PDE4D: variants seen among roughly 807,000 people sequenced by gnomAD.
PDE4D encodes phosphodiesterase 4D.
In PDE4D, 24 loss-of-function variants were observed where a neutral mutation model predicts 87.4. That is an observed-to-expected ratio of 0.27 (90% CI 0.20 to 0.39). The LOEUF (loss-of-function observed/expected upper bound fraction) is 0.39, where lower values mean the gene tolerates loss of function less well. Among genes scored for constraint, PDE4D ranks in the 10% least tolerant of loss-of-function variants. PDE4D has a pLI of 1.00. For synonymous variants in PDE4D, 384 were observed against 383.2 expected (o/e 1.00, Z -0.02); for missense variants, 714 against 1,041.0 (o/e 0.69, Z 4.32).
chr5:60,045,489 G>T (rs1769109705), intron 2 of PDE4D, among the ~76,000 whole-genome samples: 1 of 152,136 alleles, frequency 6.6e-6, no homozygotes. Flanking sequence ...GGTTTTTATG[G>T]TTTTAGGTCT....
chr5:59,053,638 GTTTTTTGT>G (rs1761881162), intron 5 of PDE4D, among the ~76,000 whole-genome samples: 4 of 84,702 alleles, frequency 4.7e-5, no homozygotes, highest in Non-Finnish European at 6.8e-5. Context: ...AAGTTGTTTT[GTTTTTTGT>G]TTTTTTTTGT....
intron 1 of PDE4D, among the ~76,000 whole-genome samples, chr5:59,870,931 T>C (rs1344931294): frequency 6.6e-6 from 1 of 152,148 alleles, no homozygotes; most frequent in East Asian, 1.9e-4. Context: ...TTGGGATACA[T>C]GTAATTCATT....
At chr5:60,027,211 C>A (rs959775004) in intron 2 of PDE4D, among the ~76,000 whole-genome samples, 2 of 152,130 alleles carry the variant, frequency 1.3e-5, no homozygotes, top group Non-Finnish European at 2.9e-5. Flanking sequence ...AGTTTCTTAA[C>A]CCTTGCTCCA....
chr5:60,335,942 C>A (rs1038795404), intron 1 of PDE4D, among the ~76,000 whole-genome samples: 3 of 152,136 alleles, frequency 2.0e-5, no homozygotes, highest in Non-Finnish European at 4.4e-5. Flanking sequence ...AAACTTGTGT[C>A]CCTTTACTGA....
intron 1 of PDE4D, among the ~76,000 whole-genome samples, chr5:59,866,541 C>A (rs938433002): frequency 6.6e-6 from 1 of 151,992 alleles, no homozygotes; most frequent in Non-Finnish European, 1.5e-5. Flanking sequence ...CCTAGCACTC[C>A]GGAAGGCTGG....
intron 3 of PDE4D, among the ~76,000 whole-genome samples, chr5:59,190,477 A>G (rs1287075645): frequency 2.0e-5 from 3 of 152,194 alleles, no homozygotes; most frequent in Non-Finnish European, 2.9e-5. Flanking sequence ...TCTTTGGCCT[A>G]CTTGGCTAAA....
intron 5 of PDE4D, among the ~76,000 whole-genome samples, chr5:59,083,304 A>G (rs1010978890): frequency 1.3e-5 from 2 of 152,044 alleles, no homozygotes; most frequent in Admixed American, 1.3e-4. Context: ...TTTCATCAGC[A>G]TGTGTATACA....
At chr5:60,471,234 G>T (rs985616443) in intron 1 of PDE4D, among the ~76,000 whole-genome samples, 1 of 152,158 alleles carries the variant, frequency 6.6e-6, no homozygotes, top group African/African-American at 2.4e-5. Flanking sequence ...ATTAGAAGTG[G>T]AGCCTGAAGA....
At chr5:60,168,557 G>A (rs1374368937) in intron 2 of PDE4D, among the ~76,000 whole-genome samples, 12 of 152,122 alleles carry the variant, frequency 7.9e-5, no homozygotes, top group Admixed American at 6.6e-5. Flanking sequence ...CTTGGTATCC[G>A]TGGGAGATTG....
intron 1 of PDE4D, among the ~76,000 whole-genome samples, chr5:59,672,342 A>C (rs1020778440): frequency 6.6e-6 from 1 of 152,210 alleles, no homozygotes; most frequent in Non-Finnish European, 1.5e-5. Flanking sequence ...CATGTACCTA[A>C]TGATTCCCCA....
At chr5:60,369,020 C>T (rs2149977935) in intron 1 of PDE4D, among the ~76,000 whole-genome samples, 1 of 152,186 alleles carries the variant, frequency 6.6e-6, no homozygotes, top group African/African-American at 2.4e-5. Context: ...AGCCATGGTG[C>T]TGGCAGCCTC....
chr5:59,843,277 A>C (rs980991762), intron 1 of PDE4D, among the ~76,000 whole-genome samples: 2 of 152,018 alleles, frequency 1.3e-5, no homozygotes, highest in Non-Finnish European at 2.9e-5. Flanking sequence ...ATGAATTAGA[A>C]ATATGGTCTG....
chr5:59,056,153 C>T (rs1387015001), intron 5 of PDE4D, among the ~76,000 whole-genome samples: 2 of 152,072 alleles, frequency 1.3e-5, no homozygotes, highest in African/African-American at 2.4e-5. Flanking sequence ...GAGGGAATAG[C>T]GTGTGAACCA....
chr5:60,010,204 C>A (rs1362444811), intron 2 of PDE4D, among the ~76,000 whole-genome samples: 1 of 152,104 alleles, frequency 6.6e-6, no homozygotes, highest in Admixed American at 6.6e-5. Context: ...TTCCTCAAAG[C>A]CACTGGCAAG....
chr5:59,990,550 AAG>A (rs1472320734), intron 2 of PDE4D, among the ~76,000 whole-genome samples: 18 of 152,172 alleles, frequency 1.2e-4, no homozygotes, highest in Non-Finnish European at 1.9e-4. Context: ...AACAAAAAAA[AAG>A]AGGTCAAAGC....
chr5:60,148,305 C>T (rs1582869184), intron 2 of PDE4D, among the ~76,000 whole-genome samples: 2 of 152,078 alleles, frequency 1.3e-5, no homozygotes, highest in Admixed American at 6.5e-5. Context: ...ATTTAACCAA[C>T]TGGGGATTAA....
At chr5:60,471,250 T>G (rs1199190755) in intron 1 of PDE4D, among the ~76,000 whole-genome samples, 1 of 152,172 alleles carries the variant, frequency 6.6e-6, no homozygotes, top group African/African-American at 2.4e-5. Context: ...GAAGATGTGA[T>G]TGAATTTCTG....
intron 1 of PDE4D, among the ~76,000 whole-genome samples, chr5:59,516,883 A>G (rs969404064): frequency 4.6e-5 from 7 of 152,144 alleles, no homozygotes; most frequent in African/African-American, 1.7e-4. Flanking sequence ...GTGATCACAT[A>G]TTCTTTCTCC....
intron 1 of PDE4D, among the ~76,000 whole-genome samples, chr5:59,421,385 T>C (rs985829923): frequency 1.3e-5 from 2 of 152,164 alleles, no homozygotes; most frequent in Non-Finnish European, 2.9e-5. Context: ...GGGTGGATTA[T>C]ATGAAAACCA....
Sources: allele counts gnomAD v4.1 joint callset (sites outside exome capture counted in the v4.1 genomes callset), GRCh38; gene constraint gnomAD v4.1.1; transcripts MANE v1.5; gene names NCBI Gene and HGNC (gene_info 2026-07-23, HGNC 2026-07-21).